Variants in DOK6 observed in about 807,000 individuals in gnomAD.
The protein encoded by DOK6 is docking protein 6, also known as downstream of tyrosine kinase 6.
DOK6 carries 22 observed loss-of-function variants against 44.0 expected under a neutral mutation model. The ratio of observed to expected loss-of-function variants is 0.50; its 90% confidence interval spans 0.36 to 0.71. The LOEUF (loss-of-function observed/expected upper bound fraction) is 0.71. DOK6 is among the 30% of genes least tolerant of loss of function. DOK6 has a pLI of 0.00. For synonymous variants in DOK6, 166 were observed against 145.5 expected, an observed-to-expected ratio of 1.14 and a Z score of -1.01; for missense variants, 340 against 416.4, an observed-to-expected ratio of 0.82 and a Z score of 1.60.
At chr18:69,831,288 G>C (rs1225600627) in intron 7 of DOK6, 1 of 152,188 alleles carries the variant, frequency 6.6e-6, no homozygotes, top group East Asian at 1.9e-4. Flanking sequence ...TATCCAAATG[G>C]ACTGGATGAT....
chr18:69,502,002 C>T (rs1461459600), intron 1 of DOK6, among the ~76,000 whole-genome samples: 1 of 152,070 alleles, frequency 6.6e-6, no homozygotes, highest in Admixed American at 6.6e-5. Flanking sequence ...TTAATGTCTT[C>T]AGAAGAGCCA....
rs546167117 is a variant in DOK6, at chr18:69,693,928, G to A, written c.410-4476G>A. Among the ~76,000 whole-genome samples the A allele has an allele frequency of 2.7e-3, 414 of 151,592 alleles. 2 individuals carry two copies. The highest frequency in any genetic ancestry group is 9.4e-3 in the African/African-American group (387 of 41,342). On this transcript the variant is annotated intron_variant, in intron 4 of 7. Coordinates refer to ENST00000382713, the MANE Select transcript of DOK6 (RefSeq NM_152721.6). ...AAAAAAATTAGCCGGGCGTGGTGGC[G>A]GGCGCCTGTAGTCCCAGCTACTCGG...
At chr18:69,828,101 T>C (rs1255737879) in intron 7 of DOK6, among the ~76,000 whole-genome samples, 1 of 151,880 alleles carries the variant, frequency 6.6e-6, no homozygotes, top group Non-Finnish European at 1.5e-5. Flanking sequence ...TAAAACTCTC[T>C]AATAATATGT....
chr18:69,633,681 G>C (rs1188322806), intron 3 of DOK6, among the ~76,000 whole-genome samples: 14 of 152,128 alleles, frequency 9.2e-5, no homozygotes, highest in Non-Finnish European at 2.1e-4. Flanking sequence ...TGAAACAGAA[G>C]TTTACTTATT....
At chr18:69,497,228 G>A (rs1980916071) in intron 1 of DOK6, among the ~76,000 whole-genome samples, 1 of 152,180 alleles carries the variant, frequency 6.6e-6, no homozygotes, top group Non-Finnish European at 1.5e-5. Flanking sequence ...AACAGCATTT[G>A]TCTGAAATAT....
chr18:69,667,080 G>A (rs1568327594), intron 3 of DOK6, among the ~76,000 whole-genome samples: 1 of 151,932 alleles, frequency 6.6e-6, no homozygotes, highest in Non-Finnish European at 1.5e-5. Flanking sequence ...TAATCTCAAC[G>A]TGCCCTTTAT....
intron 1 of DOK6, among the ~76,000 whole-genome samples, chr18:69,524,105 T>A (rs1472480145): frequency 1.3e-5 from 2 of 152,046 alleles, no homozygotes; most frequent in African/African-American, 4.8e-5. Flanking sequence ...CTTTATTCAA[T>A]GACTTTTGTA....
At chr18:69,678,780 G>T (rs923064515) in intron 4 of DOK6, among the ~76,000 whole-genome samples, 1 of 152,184 alleles carries the variant, frequency 6.6e-6, no homozygotes, top group Non-Finnish European at 1.5e-5. Flanking sequence ...ACCACCAGAT[G>T]ATTGAATAGT....
chr18:69,578,097 A>G (rs1983280799), intron 2 of DOK6, among the ~76,000 whole-genome samples: 1 of 152,044 alleles, frequency 6.6e-6, no homozygotes, highest in Non-Finnish European at 1.5e-5. Flanking sequence ...ATTATTTAAA[A>G]AGAAAAATAC....
intron 1 of DOK6, among the ~76,000 whole-genome samples, chr18:69,475,188 C>A (rs1052298060): frequency 6.6e-6 from 1 of 152,062 alleles, no homozygotes; most frequent in Non-Finnish European, 1.5e-5. Flanking sequence ...TAACATATTC[C>A]ACCATATTGG....
intron 4 of DOK6, among the ~76,000 whole-genome samples, chr18:69,689,718 T>C (rs1986224516): frequency 6.6e-6 from 1 of 152,150 alleles, no homozygotes; most frequent in African/African-American, 2.4e-5. Flanking sequence ...TATAGTACAG[T>C]AAACTCTATG....
At chr18:69,528,989 A>T (rs1568286664) in intron 1 of DOK6, among the ~76,000 whole-genome samples, 1 of 152,188 alleles carries the variant, frequency 6.6e-6, no homozygotes, top group African/African-American at 2.4e-5. Context: ...CATTTCTAGA[A>T]TTCCAGCCCT....
chr18:69,556,476 A>G (rs1982689709), intron 1 of DOK6, among the ~76,000 whole-genome samples: 1 of 152,184 alleles, frequency 6.6e-6, no homozygotes, highest in African/African-American at 2.4e-5. Context: ...TAGCAAAAAA[A>G]AATTAAAATA....
At chr18:69,584,364 G>A (rs1322247629) in intron 2 of DOK6, among the ~76,000 whole-genome samples, 2 of 151,968 alleles carry the variant, frequency 1.3e-5, no homozygotes, top group African/African-American at 4.8e-5. Context: ...TCCACCCACT[G>A]CAACCTCCAC....
At chr18:69,585,270 C>A (rs942774900) in intron 2 of DOK6, among the ~76,000 whole-genome samples, 11 of 151,536 alleles carry the variant, frequency 7.3e-5, no homozygotes, top group Non-Finnish European at 1.3e-4. Context: ...TTTTAGAAAT[C>A]TGCTATTTAT....
At chr18:69,827,484 G>A (rs1429706188) in intron 7 of DOK6, among the ~76,000 whole-genome samples, 1 of 151,910 alleles carries the variant, frequency 6.6e-6, no homozygotes, top group Admixed American at 6.6e-5. Flanking sequence ...AAAAGCCCTA[G>A]GCAAACTTCT....
At chr18:69,407,418 A>G (rs1916225762) in intron 1 of DOK6, among the ~76,000 whole-genome samples, 1 of 152,230 alleles carries the variant, frequency 6.6e-6, no homozygotes, top group South Asian at 2.1e-4. Context: ...GGAGCATACT[A>G]TGATTTCTTT....
intron 3 of DOK6, among the ~76,000 whole-genome samples, chr18:69,648,319 T>A (rs1203933419): frequency 6.6e-6 from 1 of 152,204 alleles, no homozygotes; most frequent in Non-Finnish European, 1.5e-5. Flanking sequence ...TATTTGTGTC[T>A]GAACAAAAGC....
At chr18:69,814,502 G>A (rs564641177) in intron 7 of DOK6, among the ~76,000 whole-genome samples, 9 of 152,160 alleles carry the variant, frequency 5.9e-5, no homozygotes, top group South Asian at 2.1e-4. Context: ...GTTCACAGTC[G>A]GGTTCATGCT....
Sources: gnomAD v4.1 joint callset for allele counts (sites outside exome capture counted in the v4.1 genomes callset) on GRCh38, gnomAD v4.1.1 for gene constraint, MANE v1.5 for transcripts, NCBI Gene and HGNC (gene_info 2026-07-23, HGNC 2026-07-21) for gene names.